CABLES1: variants seen among roughly 807,000 people sequenced by gnomAD.
The protein encoded by CABLES1 is Cdk5 and Abl enzyme substrate 1.
Under a neutral mutation model 57.8 loss-of-function variants are expected in CABLES1, and 36 were observed. That is an observed-to-expected ratio of 0.62 (90% CI 0.48 to 0.82). The LOEUF (loss-of-function observed/expected upper bound fraction) is 0.82. CABLES1 is among the 40% of genes least tolerant of loss of function. CABLES1 has a pLI of 0.00. For synonymous variants in CABLES1, 374 were observed against 363.0 expected, an observed-to-expected ratio of 1.03 and a Z score of -0.35; for missense variants, 767 against 836.6, an observed-to-expected ratio of 0.92 and a Z score of 1.03.
At chr18:23,177,600 T>A (rs2047133808) in intron 1 of CABLES1, among the ~76,000 whole-genome samples, 1 of 152,160 alleles carries the variant, frequency 6.6e-6, no homozygotes, top group South Asian at 2.1e-4. Flanking sequence ...TGGTTCCCGC[T>A]GGGCTCTTTT....
chr18:23,246,608 G>A (rs773225839), intron 7 of CABLES1, among the ~76,000 whole-genome samples: 16 of 151,838 alleles, frequency 1.1e-4, no homozygotes, highest in Admixed American at 5.2e-4. Context: ...AGCCAGGATG[G>A]TCTCGATCTC....
chr18:23,181,679 C>T (rs544186143), intron 1 of CABLES1, among the ~76,000 whole-genome samples: 18 of 152,178 alleles, frequency 1.2e-4, no homozygotes, highest in African/African-American at 3.9e-4. Flanking sequence ...TGCTGTTGGC[C>T]AAGCATGGTC....
chr18:23,236,150 G>C, intron 6 of CABLES1, 99 bp downstream of exon 6: 1 of 1,283,564 alleles, frequency 7.8e-7, no homozygotes, highest in South Asian at 1.4e-5. Context: ...CTGGAAGACA[G>C]GGGCTCGCAG....
At chr18:23,144,138 G>C (rs574924422) in intron 1 of CABLES1, among the ~76,000 whole-genome samples, 2 of 152,308 alleles carry the variant, frequency 1.3e-5, no homozygotes, top group Admixed American at 6.5e-5. Flanking sequence ...CCCCATGCTC[G>C]TACACGCTCC....
intron 7 of CABLES1, among the ~76,000 whole-genome samples, chr18:23,247,379 C>A (rs965063017): frequency 3.3e-5 from 5 of 152,238 alleles, no homozygotes; most frequent in African/African-American, 1.2e-4. Context: ...GTCCAGTTTC[C>A]ATACTCTGAA....
chr18:23,138,670 G>A (rs1162067531), intron 1 of CABLES1, among the ~76,000 whole-genome samples: 1 of 152,208 alleles, frequency 6.6e-6, no homozygotes, highest in African/African-American at 2.4e-5. Context: ...GAAGTGTGCT[G>A]AGAGCACAGA....
At chr18:23,192,695 T>C (rs78248551) in intron 2 of CABLES1, among the ~76,000 whole-genome samples, 6,128 of 152,294 alleles carry the variant, frequency 0.04, 150 homozygotes, top group Middle Eastern at 0.088. Context: ...CACTTTATGC[T>C]TTCAGGGATT....
chr18:23,159,093 G>A (rs1254110867), intron 1 of CABLES1, among the ~76,000 whole-genome samples: 4 of 152,202 alleles, frequency 2.6e-5, no homozygotes, highest in African/African-American at 9.6e-5. Context: ...AGGCTCCTGA[G>A]TAGCTGGGAT....
intron 1 of CABLES1, among the ~76,000 whole-genome samples, chr18:23,137,972 T>C (rs2046834298): frequency 6.6e-6 from 1 of 152,186 alleles, no homozygotes; most frequent in Non-Finnish European, 1.5e-5. Flanking sequence ...AGGGAGGTGG[T>C]ATCCCTTGTT....
At chr18:23,224,348 G>T (rs1381991377) in intron 4 of CABLES1, among the ~76,000 whole-genome samples, 1 of 151,988 alleles carries the variant, frequency 6.6e-6, no homozygotes, top group Non-Finnish European at 1.5e-5. Flanking sequence ...GGCCAGGGAG[G>T]CAGTGTGGTG....
intron 3 of CABLES1, among the ~76,000 whole-genome samples, chr18:23,198,480 A>G (rs1298104747): frequency 2.6e-5 from 4 of 152,134 alleles, no homozygotes; most frequent in Non-Finnish European, 4.4e-5. Context: ...AGAGATATCC[A>G]CATCCCATCC....
At chr18:23,206,181 C>A (rs953379678) in intron 3 of CABLES1, among the ~76,000 whole-genome samples, 8 of 152,190 alleles carry the variant, frequency 5.3e-5, no homozygotes, top group African/African-American at 1.9e-4. Context: ...CCGTCCCAGA[C>A]CCTCCTCGCT....
At chr18:23,185,216 G>A (rs1487886700) in intron 1 of CABLES1, among the ~76,000 whole-genome samples, 1 of 152,186 alleles carries the variant, frequency 6.6e-6, no homozygotes, top group Non-Finnish European at 1.5e-5. Flanking sequence ...ATTGGGTCGT[G>A]TGCTTTTGTG....
In CABLES1 at chr18:23,185,186, G is replaced by A. The variant is rs145027276; in HGVS notation, c.846-3652G>A. ...TTCTGGTGCAGGAAGAGGTGGCTACGGCTTTGTGAGAGGGGAGTTATTGGG... is the reference window on the plus strand; with the variant it reads ...TTCTGGTGCAGGAAGAGGTGGCTACAGCTTTGTGAGAGGGGAGTTATTGGG... On this transcript the variant is annotated intron_variant, in intron 1 of 9. Coordinates refer to ENST00000256925, the MANE Select transcript of CABLES1 (RefSeq NM_001100619.3). Among the ~76,000 whole-genome samples, 1,305 of 152,284 alleles carry A rather than the reference G, an allele frequency of 8.6e-3. 10 individuals are homozygous for A. Among genetic ancestry groups the A allele is most frequent in the African/African-American group, 0.024 (1,004 of 41,558 alleles).
chr18:23,251,490 A>C (rs1187010649), intron 7 of CABLES1, among the ~76,000 whole-genome samples: 1 of 152,110 alleles, frequency 6.6e-6, no homozygotes, highest in African/African-American at 2.4e-5. Context: ...AGTCAGCCAA[A>C]AAAGACCCAG....
chr18:23,163,402 G>A (rs899210179), intron 1 of CABLES1, among the ~76,000 whole-genome samples: 2 of 152,134 alleles, frequency 1.3e-5, no homozygotes, highest in Non-Finnish European at 1.5e-5. Flanking sequence ...CCCAGGGAGC[G>A]GGGACAGAGA....
At chr18:23,148,882 G>GA (rs1189385108) in intron 1 of CABLES1, among the ~76,000 whole-genome samples, 4 of 152,156 alleles carry the variant, frequency 2.6e-5, no homozygotes, top group Non-Finnish European at 5.9e-5. Flanking sequence ...ATGGAGGAAG[G>GA]AAACTATAGC....
chr18:23,241,180 CAT>C lies in CABLES1; in HGVS notation c.1446+3936_1446+3937del, dbSNP rs1384009603. Among the ~76,000 whole-genome samples, 6 of 152,250 alleles carry C rather than the reference CAT, an allele frequency of 3.9e-5. No homozygotes were observed. The East Asian group carries it at 7.7e-4, about 20-fold the overall frequency. ...GTCCATCTTCCTTCATACAACTTAA[CAT>C]GTGAGATTTCCCCATGTCATGTGTG... is the stretch of plus-strand genomic sequence containing the variant. On this transcript the variant is annotated intron_variant, in intron 7 of 9. Coordinates refer to ENST00000256925, the MANE Select transcript of CABLES1 (RefSeq NM_001100619.3).
intron 2 of CABLES1, among the ~76,000 whole-genome samples, chr18:23,193,107 A>G (rs185769405): frequency 1.3e-5 from 2 of 151,684 alleles, no homozygotes; most frequent in Middle Eastern, 3.4e-3. Context: ...GTCAATCCCA[A>G]CCCCACTCTA....
Sources: gnomAD v4.1 joint callset for allele counts (sites outside exome capture counted in the v4.1 genomes callset) on GRCh38, gnomAD v4.1.1 for gene constraint, MANE v1.5 for transcripts, NCBI Gene and HGNC (gene_info 2026-07-23, HGNC 2026-07-21) for gene names.